PAM: variants seen among roughly 807,000 people sequenced by gnomAD.
PAM encodes peptidyl-glycine alpha-amidating monooxygenase.
A neutral mutation model predicts 122.1 loss-of-function variants in PAM; 72 were observed. The ratio of observed to expected loss-of-function variants is 0.59; its 90% CI spans 0.49 to 0.72. The LOEUF is 0.72. Ranked by LOEUF, PAM falls within the 30% of genes least tolerant of loss-of-function variation. The pLI is 0.00. For missense variants in PAM, 1,106 were observed against 1,183.7 expected (o/e 0.93, Z 0.96); for synonymous variants, 389 against 404.4 (o/e 0.96, Z 0.46).
intron 1 of PAM, among the ~76,000 whole-genome samples, chr5:102,847,952 A>G (rs765204263): frequency 1.5e-4 from 23 of 152,210 alleles, no homozygotes; most frequent in African/African-American, 4.3e-4. Flanking sequence ...ATTATTGCCA[A>G]TGAAAAACAC....
intron 1 of PAM, among the ~76,000 whole-genome samples, chr5:102,795,189 C>CAAAAAAAAAAAAAAAAAAAAAAAAAAA (rs33988105): frequency 3.4e-5 from 2 of 59,662 alleles, no homozygotes; most frequent in East Asian, 6.6e-4. Flanking sequence ...GACAATGTCT[C>CAAAAAAAAAAAAAAAAAAAAAAAAAAA]AAAAAAAAAA....
intron 1 of PAM, among the ~76,000 whole-genome samples, chr5:102,821,128 A>G (rs1181348788): frequency 6.6e-6 from 1 of 152,218 alleles, no homozygotes; most frequent in Non-Finnish European, 1.5e-5. Flanking sequence ...TGACTATATC[A>G]TCACCTCTAT....
At chr5:102,836,141 C>T (rs1204961766) in intron 1 of PAM, among the ~76,000 whole-genome samples, 1 of 152,152 alleles carries the variant, frequency 6.6e-6, no homozygotes, top group Non-Finnish European at 1.5e-5. Context: ...GGAATTTGAA[C>T]TTATGGTTCA....
intron 14 of PAM, among the ~76,000 whole-genome samples, chr5:102,966,673 A>T (rs999785443): frequency 6.6e-6 from 1 of 152,164 alleles, no homozygotes; most frequent in Admixed American, 6.5e-5. Flanking sequence ...CTAAAAAGAG[A>T]TGCTTTTATT....
In PAM at chr5:102,865,908, C is replaced by G. The variant is rs1481462544; in HGVS notation, c.-288C>G. ...AGTCATAAGGCACCCGCGCGTCTAG[C>G]CCCAGCGCCAGGGCACGCGAGCGGC... On this transcript the variant is annotated 5_prime_UTR_variant, in exon 2 of 26. Coordinates refer to ENST00000438793, the MANE Select transcript of PAM (RefSeq NM_001177306.2). 2.8e-6 allele frequency: 1 copy of G among 362,140 alleles called. No homozygotes were observed. The highest frequency in any genetic ancestry group is 2.2e-5 in the African/African-American group (1 of 46,442). The allele number at this position is 362,140 out of a possible 1,614,324, so 22.4% of individuals were successfully genotyped here.
chr5:102,949,011 G>A (rs1320903728), intron 9 of PAM, among the ~76,000 whole-genome samples: 1 of 151,940 alleles, frequency 6.6e-6, no homozygotes, highest in African/African-American at 2.4e-5. Context: ...TGTTTTCGCT[G>A]GGAATCTCTT....
chr5:102,971,050 G>T (rs368815332), intron 14 of PAM, among the ~76,000 whole-genome samples: 104 of 152,248 alleles, frequency 6.8e-4, no homozygotes, highest in African/African-American at 2.5e-3. Flanking sequence ...CAAGTAATCC[G>T]CCCGCCTTGG....
At chr5:102,983,446 CA>C (rs70990421) in intron 15 of PAM, among the ~76,000 whole-genome samples, 89,358 of 103,706 alleles carry the variant, frequency 0.86, 38,109 homozygotes, top group South Asian at 0.95. Flanking sequence ...TGAGACTGTC[CA>C]AAAAAAAAAA....
intron 1 of PAM, among the ~76,000 whole-genome samples, chr5:102,833,374 A>G (rs1174629670): frequency 6.6e-6 from 1 of 152,208 alleles, no homozygotes; most frequent in East Asian, 1.9e-4. Context: ...TTAATTGAAG[A>G]TATCTGCCTT....
intron 1 of PAM, among the ~76,000 whole-genome samples, chr5:102,790,675 C>A (rs562870129): frequency 6.6e-6 from 1 of 152,150 alleles, no homozygotes; most frequent in African/African-American, 2.4e-5. Flanking sequence ...TAGCCTCTTA[C>A]AGAACACTAT....
At chr5:102,948,493 G>C in intron 9 of PAM, 48 bp downstream of exon 9, 1 of 882,686 alleles carries the variant, frequency 1.1e-6, no homozygotes, top group Admixed American at 1.9e-5. Context: ...TACCTAATCT[G>C]TAGAAATGGA....
chr5:102,954,775 G>A (rs1181295754), intron 12 of PAM, among the ~76,000 whole-genome samples: 1 of 151,926 alleles, frequency 6.6e-6, no homozygotes, highest in Admixed American at 6.6e-5. Flanking sequence ...CAGCTAATCA[G>A]GCTAAAAGTT....
chr5:102,913,866 T>C (rs1802304509), intron 4 of PAM, 68 bp from the exon 5 acceptor site: 9 of 863,676 alleles, frequency 1.0e-5, no homozygotes, highest in Admixed American at 8.6e-5. Flanking sequence ...TTCAAAGATG[T>C]ATTTTATGAC....
At chr5:102,784,026 T>C (rs1305586780) in intron 1 of PAM, among the ~76,000 whole-genome samples, 1 of 152,054 alleles carries the variant, frequency 6.6e-6, no homozygotes, top group Non-Finnish European at 1.5e-5. Flanking sequence ...CCCAAGTAGC[T>C]GGGACTAAAG....
intron 20 of PAM, 45 bp downstream of exon 20, chr5:103,007,702 C>T (rs1562228675): frequency 1.6e-6 from 2 of 1,230,282 alleles, no homozygotes; most frequent in African/African-American, 1.5e-5. Flanking sequence ...CTACTGTACT[C>T]TATCCTTAAA....
intron 1 of PAM, among the ~76,000 whole-genome samples, chr5:102,860,505 A>G (rs1200755348): frequency 1.3e-5 from 2 of 152,076 alleles, no homozygotes; most frequent in Non-Finnish European, 2.9e-5. Context: ...AAACGTGGTG[A>G]AACTCTGTCT....
intron 3 of PAM, among the ~76,000 whole-genome samples, chr5:102,885,509 T>C (rs1179062775): frequency 1.3e-5 from 2 of 151,982 alleles, no homozygotes; most frequent in South Asian, 2.1e-4. Context: ...AGAAGATAGA[T>C]TGGTAGCCTG....
intron 3 of PAM, among the ~76,000 whole-genome samples, chr5:102,875,190 A>G (rs946694255): frequency 8.5e-6 from 1 of 117,422 alleles, no homozygotes; most frequent in Non-Finnish European, 1.6e-5. Context: ...AATTATTATC[A>G]TTATTATTAT....
chr5:103,004,266 A>G (rs1778269008), intron 17 of PAM, among the ~76,000 whole-genome samples: 1 of 152,232 alleles, frequency 6.6e-6, no homozygotes, highest in African/African-American at 2.4e-5. Flanking sequence ...CCCTCATTCC[A>G]GAAAGGAATT....
Sources: allele counts gnomAD v4.1 joint callset (sites outside exome capture counted in the v4.1 genomes callset), GRCh38; gene constraint gnomAD v4.1.1; transcripts MANE v1.5; gene names NCBI Gene and HGNC (gene_info 2026-07-23, HGNC 2026-07-21).